The following SLC24A2 variants were observed in gnomAD, a reference collection of about 807,000 sequenced individuals.
The protein encoded by SLC24A2 is solute carrier family 24 member 2, also known as sodium/potassium/calcium exchanger 2.
SLC24A2 carries 36 observed loss-of-function variants against 62.0 expected under a neutral mutation model. That is an observed-to-expected ratio of 0.58 (90% CI 0.44 to 0.77). SLC24A2 has a LOEUF of 0.77. Ranked by LOEUF, SLC24A2 falls within the 30% of genes least tolerant of loss-of-function variation. The pLI is 0.00. For synonymous variants in SLC24A2, 358 were observed against 294.0 expected (o/e 1.22, Z -2.23); for missense variants, 846 against 817.9 (o/e 1.03, Z -0.42).
chr9:20,121,742 G>A, the SLC24A2 span, among the ~76,000 whole-genome samples: 1 of 152,044 alleles, frequency 6.6e-6, no homozygotes, highest in East Asian at 1.9e-4. Flanking sequence ...CCTACTCAAA[G>A]CCACTCCTAA....
the SLC24A2 span, among the ~76,000 whole-genome samples, chr9:20,156,183 A>G: frequency 1.3e-5 from 2 of 151,814 alleles, no homozygotes; most frequent in Non-Finnish European, 2.9e-5. Context: ...GAGAAATGTA[A>G]TTAACAGAAA....
At chr9:20,071,316 C>G in the SLC24A2 span, among the ~76,000 whole-genome samples, 1 of 152,118 alleles carries the variant, frequency 6.6e-6, no homozygotes, top group African/African-American at 2.4e-5. Flanking sequence ...TATTGGAGTT[C>G]CATTCATTAG....
chr9:20,231,711 T>C, the SLC24A2 span, among the ~76,000 whole-genome samples: 5 of 152,316 alleles, frequency 3.3e-5, no homozygotes, highest in Middle Eastern at 6.8e-3. Flanking sequence ...CTTTTCCTAA[T>C]TGAATACCCT....
chr9:19,600,248 C>G (rs765528602), intron 4 of SLC24A2, among the ~76,000 whole-genome samples: 1 of 152,244 alleles, frequency 6.6e-6, no homozygotes, highest in African/African-American at 2.4e-5. Context: ...GAGAATCACA[C>G]TTGCTTTCAT....
intron 2 of SLC24A2, among the ~76,000 whole-genome samples, chr9:19,689,363 A>C (rs1819977308): frequency 6.6e-6 from 1 of 152,174 alleles, no homozygotes; most frequent in African/African-American, 2.4e-5. Context: ...AACTCAATTT[A>C]GTCTCAATAA....
chr9:19,948,753 G>A, the SLC24A2 span, among the ~76,000 whole-genome samples: 1 of 148,802 alleles, frequency 6.7e-6, no homozygotes, highest in Non-Finnish European at 1.5e-5. Flanking sequence ...GCTGAGGCAG[G>A]AGAATGGCGT....
chr9:19,619,919 A>G (rs1329073325), intron 3 of SLC24A2, among the ~76,000 whole-genome samples: 4 of 152,228 alleles, frequency 2.6e-5, no homozygotes, highest in Non-Finnish European at 5.9e-5. Context: ...AGCTTTGTAA[A>G]TGCCAGACAA....
At chr9:20,048,546 C>T in the SLC24A2 span, among the ~76,000 whole-genome samples, 1 of 152,106 alleles carries the variant, frequency 6.6e-6, no homozygotes, top group Non-Finnish European at 1.5e-5. Flanking sequence ...CAAAGCTAGT[C>T]TGAAAAATAT....
the SLC24A2 span, among the ~76,000 whole-genome samples, chr9:19,988,350 T>C: frequency 1.3e-5 from 2 of 152,198 alleles, no homozygotes; most frequent in Admixed American, 6.5e-5. Flanking sequence ...TGATTCCCTC[T>C]AGACCCACAA....
the SLC24A2 span, among the ~76,000 whole-genome samples, chr9:20,211,766 T>A: frequency 6.6e-6 from 1 of 152,220 alleles, no homozygotes; most frequent in Admixed American, 6.5e-5. Context: ...AAAGGGAACA[T>A]AAAAAATTAT....
intron 9 of SLC24A2, among the ~76,000 whole-genome samples, chr9:19,525,129 G>A (rs1833374072): frequency 6.6e-6 from 1 of 152,156 alleles, no homozygotes; most frequent in Non-Finnish European, 1.5e-5. Flanking sequence ...CCAAGGCACA[G>A]AGAACTTGCT....
At chr9:20,195,693 A>G in the SLC24A2 span, among the ~76,000 whole-genome samples, 1 of 152,114 alleles carries the variant, frequency 6.6e-6, no homozygotes, top group African/African-American at 2.4e-5. Context: ...TTTGCTTCAC[A>G]GTTTCCTGAT....
the SLC24A2 span, among the ~76,000 whole-genome samples, chr9:20,005,076 G>A: frequency 6.6e-6 from 1 of 152,010 alleles, no homozygotes; most frequent in Non-Finnish European, 1.5e-5. Context: ...GTCCAAATAT[G>A]GGCATTAAAA....
At chr9:19,946,799 T>C in the SLC24A2 span, among the ~76,000 whole-genome samples, 5 of 152,258 alleles carry the variant, frequency 3.3e-5, no homozygotes, top group East Asian at 7.7e-4. Context: ...GATTGTTCTC[T>C]ATCTGCTTTC....
chr9:19,761,405 G>A (rs1168097854), intron 2 of SLC24A2, among the ~76,000 whole-genome samples: 2 of 152,092 alleles, frequency 1.3e-5, no homozygotes, highest in Non-Finnish European at 2.9e-5. Flanking sequence ...TTTCTGTAAT[G>A]ACCAGTGATG....
At chr9:19,915,135 C>G in the SLC24A2 span, among the ~76,000 whole-genome samples, 2 of 152,098 alleles carry the variant, frequency 1.3e-5, no homozygotes, top group Admixed American at 1.3e-4. Context: ...ACTTTTGTCA[C>G]TATGAATTTA....
At chr9:20,204,997 G>A in the SLC24A2 span, among the ~76,000 whole-genome samples, 185 of 151,790 alleles carry the variant, frequency 1.2e-3, no homozygotes, top group African/African-American at 3.9e-3. Flanking sequence ...CACCTCCCTC[G>A]TCCTCCCAAA....
intron 2 of SLC24A2, among the ~76,000 whole-genome samples, chr9:19,748,511 T>A (rs1198659193): frequency 6.6e-6 from 1 of 152,166 alleles, no homozygotes; most frequent in Non-Finnish European, 1.5e-5. Context: ...GAGTCACAGC[T>A]GGGCAGTAAG....
the SLC24A2 span, among the ~76,000 whole-genome samples, chr9:20,003,150 C>CA: frequency 6.6e-6 from 1 of 152,174 alleles, no homozygotes; most frequent in Non-Finnish European, 1.5e-5. Context: ...AGGATTCCCC[C>CA]AAAATGTATA....
Sources: gnomAD v4.1 joint callset for allele counts (sites outside exome capture counted in the v4.1 genomes callset) on GRCh38, gnomAD v4.1.1 for gene constraint, MANE v1.5 for transcripts, NCBI Gene and HGNC (gene_info 2026-07-23, HGNC 2026-07-21) for gene names.